Variants in NRXN3 observed in about 807,000 individuals in gnomAD.
NRXN3 encodes neurexin III.
In NRXN3, 32 loss-of-function variants were observed where a neutral mutation model predicts 137.6. The ratio of observed to expected loss-of-function variants is 0.23; its 90% confidence interval spans 0.18 to 0.31. NRXN3 has a LOEUF of 0.31. NRXN3 is among the 10% of genes least tolerant of loss of function. NRXN3 has a pLI of 1.00. For synonymous variants in NRXN3, 798 were observed against 784.5 expected (o/e 1.02, Z -0.29); for missense variants, 1,574 against 2,062.5 (o/e 0.76, Z 4.59).
intron 10 of NRXN3, among the ~76,000 whole-genome samples, chr14:78,871,896 C>G (rs771201911): frequency 9.2e-5 from 14 of 151,992 alleles, no homozygotes; most frequent in Non-Finnish European, 1.8e-4. Context: ...TAAATGTTTC[C>G]TATCTTTTCT....
intron 4 of NRXN3, among the ~76,000 whole-genome samples, chr14:78,584,154 G>A (rs2097034557): frequency 1.3e-5 from 2 of 152,144 alleles, no homozygotes; most frequent in Non-Finnish European, 2.9e-5. Context: ...TCTCAGATTA[G>A]TGGATGACAT....
At chr14:78,412,387 G>A (rs2092884803) in intron 4 of NRXN3, among the ~76,000 whole-genome samples, 1 of 152,114 alleles carries the variant, frequency 6.6e-6, no homozygotes, top group Non-Finnish European at 1.5e-5. Flanking sequence ...ATAACTTGTG[G>A]TGTACTAAGG....
chr14:79,588,910 T>C (rs549172440), intron 16 of NRXN3, among the ~76,000 whole-genome samples: 1 of 152,310 alleles, frequency 6.6e-6, no homozygotes, highest in South Asian at 2.1e-4. Flanking sequence ...CCCTCAAGCA[T>C]TTATTCTTTG....
intron 15 of NRXN3, among the ~76,000 whole-genome samples, chr14:79,244,235 A>G (rs1334449389): frequency 6.6e-6 from 1 of 152,128 alleles, no homozygotes; most frequent in Non-Finnish European, 1.5e-5. Context: ...GTACTGTACT[A>G]TGCAGATAAG....
intron 20 of NRXN3, among the ~76,000 whole-genome samples, chr14:79,840,752 A>G (rs1000373003): frequency 6.6e-6 from 1 of 152,198 alleles, no homozygotes. Context: ...TGTCTGGCAG[A>G]GACTAAGTTT....
chr14:79,757,327 G>A (rs536589534), intron 19 of NRXN3, among the ~76,000 whole-genome samples: 28 of 152,258 alleles, frequency 1.8e-4, no homozygotes, highest in African/African-American at 6.7e-4. Context: ...GAACAACTAG[G>A]GGGAAATAAG....
At chr14:79,525,187 G>A (rs2097107161) in intron 16 of NRXN3, among the ~76,000 whole-genome samples, 1 of 152,126 alleles carries the variant, frequency 6.6e-6, no homozygotes, top group Non-Finnish European at 1.5e-5. Context: ...GCAGGGGAAG[G>A]TCAGAAAAAC....
intron 19 of NRXN3, among the ~76,000 whole-genome samples, chr14:79,714,090 C>T (rs1305799259): frequency 6.6e-6 from 1 of 152,164 alleles, no homozygotes; most frequent in Non-Finnish European, 1.5e-5. Flanking sequence ...AAAAGAATTA[C>T]TCCCACATAT....
In NRXN3 at chr14:78,317,634, G is replaced by A. The variant is rs769683189; in HGVS notation, c.757+19774G>A. ...GGATTAGATGATGCTTGCCCACATT[G>A]GGGAGGGCAATTTGCTTCACTCAGT... On this transcript the variant is annotated intron_variant, in intron 4 of 20. Coordinates refer to ENST00000335750, the MANE Select transcript of NRXN3 (RefSeq NM_001330195.2). Among the ~76,000 whole-genome samples, 80 of 152,156 alleles carry A rather than the reference G, an allele frequency of 5.3e-4. 1 individual carries two copies. The highest frequency in any genetic ancestry group is 1.3e-4 in the Admixed American group (2 of 15,282).
At position 79,638,639 on chromosome 14, in the gene NRXN3, A is replaced by G. The variant is rs145651732; in HGVS notation, c.3445-25139A>G. Among the ~76,000 whole-genome samples the G allele has an allele frequency of 1.8e-3, 278 of 152,346 alleles. 3 individuals are homozygous for G. Among genetic ancestry groups the G allele is most frequent in the African/African-American group, 6.2e-3 (258 of 41,594 alleles). Reference sequence around the variant, plus strand: ...ATTTTTTTATCTAACTATATTTTTCATGCAGTCATTTCAGTCAGTATCACC... The same window carrying G: ...ATTTTTTTATCTAACTATATTTTTCGTGCAGTCATTTCAGTCAGTATCACC... On this transcript the variant is annotated intron_variant, in intron 16 of 20. Transcript: ENST00000335750.
chr14:78,391,030 G>C (rs1294082501), intron 4 of NRXN3, among the ~76,000 whole-genome samples: 2 of 152,166 alleles, frequency 1.3e-5, no homozygotes, highest in East Asian at 3.9e-4. Context: ...AAAACATGTG[G>C]TGTTTGGTTT....
chr14:79,020,162 CCCTTCCCTTCCCTTCCCTTCCCTTCCCTT>C, intron 15 of NRXN3, among the ~76,000 whole-genome samples: 2 of 4,398 alleles, frequency 4.5e-4, no homozygotes, highest in Non-Finnish European at 9.2e-4. Context: ...CCCTTCCCTT[CCCTTCCCTTCCCTTCCCTTCCCTTCCCTT>C]CCCTCCCCTC....
intron 15 of NRXN3, among the ~76,000 whole-genome samples, chr14:79,233,605 G>A (rs12586841): frequency 0.11 from 16,083 of 151,808 alleles, 1,070 homozygotes; most frequent in Non-Finnish European, 0.14. Flanking sequence ...AAAACTCTTG[G>A]AATAACTTTA....
At chr14:78,712,982 G>C (rs57125846) in intron 7 of NRXN3, among the ~76,000 whole-genome samples, 21,615 of 152,234 alleles carry the variant, frequency 0.14, 2,087 homozygotes, top group African/African-American at 0.27. Flanking sequence ...AAGGCTGACT[G>C]ATGGATGGCA....
intron 10 of NRXN3, among the ~76,000 whole-genome samples, chr14:78,844,774 G>A (rs1349346997): frequency 6.6e-6 from 1 of 152,034 alleles, no homozygotes; most frequent in East Asian, 1.9e-4. Context: ...TCTGGAGTGT[G>A]ATGGTTAATC....
chr14:79,269,166 CAGCCTCCCAAGT>C (rs1339676564), intron 15 of NRXN3, among the ~76,000 whole-genome samples: 1 of 152,162 alleles, frequency 6.6e-6, no homozygotes, highest in African/African-American at 2.4e-5. Flanking sequence ...TCTCCTGCCT[CAGCCTCCCAAGT>C]AGCTGGGACT....
chr14:78,690,930 A>G lies in NRXN3; in HGVS notation c.1222-18287A>G, dbSNP rs113616966. Among the ~76,000 whole-genome samples, 551 of 152,282 alleles carry G rather than the reference A, an allele frequency of 3.6e-3. 3 individuals carry two copies. Among genetic ancestry groups the G allele is most frequent in the Non-Finnish European group, 6.3e-3 (427 of 68,020 alleles). ...GAAGTAAAGATGTGTTAGTGAGTGA[A>G]ATTACCAAGACACCGCAGTGAAAAC... is the stretch of plus-strand genomic sequence containing the variant. On this transcript the variant is annotated intron_variant, in intron 6 of 20. Coordinates refer to ENST00000335750, the MANE Select transcript of NRXN3 (RefSeq NM_001330195.2).
chr14:78,470,973 GA>G (rs1290170158), intron 4 of NRXN3, among the ~76,000 whole-genome samples: 23 of 152,096 alleles, frequency 1.5e-4, no homozygotes, highest in African/African-American at 5.6e-4. Context: ...TCTAAAGCAG[GA>G]ATTTTCTGCC....
chr14:78,968,934 T>C (rs756915513), intron 14 of NRXN3, among the ~76,000 whole-genome samples: 5 of 152,170 alleles, frequency 3.3e-5, no homozygotes, highest in Non-Finnish European at 4.4e-5. Flanking sequence ...GGCTTTGATA[T>C]TAGAAATACC....
Sources: allele counts gnomAD v4.1 joint callset (sites outside exome capture counted in the v4.1 genomes callset), GRCh38; gene constraint gnomAD v4.1.1; transcripts MANE v1.5; gene names NCBI Gene and HGNC (gene_info 2026-07-23, HGNC 2026-07-21).